Variants in HROB observed in about 807,000 individuals in gnomAD.
HROB encodes homologous recombination factor with OB-fold, also known as homologous recombination OB-fold protein.
A neutral mutation model predicts 61.0 loss-of-function variants in HROB; 44 were observed. That is an observed-to-expected ratio of 0.72 (90% CI 0.57 to 0.93). The LOEUF (loss-of-function observed/expected upper bound fraction) is 0.93, where lower values mean the gene tolerates loss of function less well. HROB is among the 40% of genes least tolerant of loss of function. HROB has a pLI of 0.00. For missense variants in HROB, 716 were observed against 796.2 expected, an observed-to-expected ratio of 0.90 and a Z score of 1.21; for synonymous variants, 301 against 310.4, an observed-to-expected ratio of 0.97 and a Z score of 0.32.
At chr17:44,158,416 G>C (rs748054143) in intron 9 of HROB, among the ~76,000 whole-genome samples, 2 of 152,178 alleles carry the variant, frequency 1.3e-5, no homozygotes, top group African/African-American at 4.8e-5. Context: ...TGGGCCAGCT[G>C]CTTCCTCAGA....
In HROB at chr17:44,148,022, C is replaced by T. The variant is rs373854314; in HGVS notation, c.219C>T (p.Gly73=). 4.3e-6 allele frequency: 7 copies of T among 1,613,894 alleles called. No individual in the cohort carries two copies. The South Asian group carries it at 4.4e-5, about 10-fold the overall frequency. ...LHPTAPSEAL[G]LPDLDLCLPA... is the part of the protein sequence containing the mutation. ...CCACTGCTCCCTCAGAGGCTTTGGG[C>T]CTGCCAGACTTGGACCTCTGCCTCC... Residue 73 remains glycine (G), a synonymous_variant, in exon 3 of 10, where the codon GGC becomes GGT. Transcript: ENST00000585683.
chr17:44,142,097 C>T lies in HROB; in HGVS notation c.-46C>T, dbSNP rs1167226261. 2.6e-6 allele frequency: 4 copies of T among 1,530,680 alleles called. No individual in the cohort carries two copies. The highest frequency in any genetic ancestry group is 2.4e-5 in the South Asian group (2 of 83,868). 94.8% of individuals were successfully genotyped at this position (1,530,680 alleles called of 1,614,324 possible). ...CAAGGCCCCGGCGACTCCCCGGACT[C>T]GGGGTGCCGGGCCAACCTCCCCGCC... On this transcript the variant is annotated 5_prime_UTR_variant, in exon 1 of 10. Coordinates refer to ENST00000585683, the MANE Select transcript of HROB (RefSeq NM_001171251.3).
intron 7 of HROB, 127 bp downstream of exon 7, chr17:44,155,065 G>C: frequency 1.5e-6 from 2 of 1,344,530 alleles, no homozygotes; most frequent in Non-Finnish European, 2.1e-6. Flanking sequence ...CTAGGCCCTG[G>C]CTTGAGCTCA....
chr17:44,161,668 A>T (rs138212379), intron 9 of HROB, among the ~76,000 whole-genome samples: 43 of 152,252 alleles, frequency 2.8e-4, no homozygotes, highest in South Asian at 6.2e-4. Flanking sequence ...GCCTTTTGTC[A>T]TGTACGGGTA....
intron 9 of HROB, among the ~76,000 whole-genome samples, chr17:44,158,874 C>T (rs571627756): frequency 3.9e-5 from 6 of 152,232 alleles, no homozygotes; most frequent in African/African-American, 1.4e-4. Flanking sequence ...GTCTCGATCT[C>T]CTGACCTCGC....
rs1239989308 is a variant in HROB at position 44,148,181 on chromosome 17, A to G, written c.378A>G (p.Thr126=). The part of the protein sequence containing the change: ...RVTVTEVLRE[T]ARPQSSALHP... ...CAGTGACAGAAGTGCTCAGAGAGAC[A>G]GCAAGACCTCAGTCCTCAGCCTTAC... The change falls in exon 3 of 10, where the codon ACA becomes ACG. Residue 126 remains threonine (T), a synonymous_variant. Coordinates refer to ENST00000585683, the MANE Select transcript of HROB (RefSeq NM_001171251.3). The G allele has an allele frequency of 3.7e-6, 6 of 1,614,122 alleles. No homozygotes were observed. The highest frequency in any genetic ancestry group is 5.1e-6 in the Non-Finnish European group (6 of 1,180,042).
intron 1 of HROB, among the ~76,000 whole-genome samples, chr17:44,143,351 T>A (rs2053514319): frequency 6.6e-6 from 1 of 151,848 alleles, no homozygotes; most frequent in African/African-American, 2.4e-5. Flanking sequence ...TCTATAAAAA[T>A]TTAAAAATTA....
chr17:44,151,747 C>A (rs545130324), intron 4 of HROB, among the ~76,000 whole-genome samples: 2 of 152,202 alleles, frequency 1.3e-5, no homozygotes, highest in African/African-American at 4.8e-5. Flanking sequence ...GAGTCTGTTA[C>A]AAAAAATAAG....
rs759179262 is a variant in HROB, at chr17:44,148,711, C to T, written c.908C>T (p.Ser303Phe). The part of the protein sequence containing the change: ...QNRFPCQPFQ[S>F]PSSWLSGKAH... ...CGTTTCCCTTGTCAGCCATTCCAGT[C>T]TCCAAGTTCCTGGTTAAGTGGCAAA... Residue 303 changes from serine (S) to phenylalanine (F), a missense_variant, in exon 3 of 10, where the codon TCT (serine) becomes TTT (phenylalanine). Transcript: ENST00000585683. The T allele has an allele frequency of 1.0e-4, 168 of 1,614,196 alleles. 1 individual carries two copies. The Admixed American group carries it at 2.6e-3, about 25-fold the overall frequency.
rs777978477 is a variant in HROB at position 44,152,753 on chromosome 17, C to T, written c.1425C>T (p.Tyr475=). Residue 475 remains tyrosine (Y), a synonymous_variant, in exon 5 of 10, where the codon TAC becomes TAT. Coordinates refer to ENST00000585683, the MANE Select transcript of HROB (RefSeq NM_001171251.3). ...ACCCTAGCTGCTTCCTCTGTACCTACAGCATTGTCATGGTGCTGCGCAAGG... is the reference window on the plus strand; with the variant it reads ...ACCCTAGCTGCTTCCTCTGTACCTATAGCATTGTCATGGTGCTGCGCAAGG... ...ERDPSCFLCT[Y]SIVMVLRKAA... 1 of 1,614,060 alleles carries T rather than the reference C, an allele frequency of 6.2e-7. No individual in the cohort carries two copies. The highest frequency in any genetic ancestry group is 8.5e-7 in the Non-Finnish European group (1 of 1,179,972).
chr17:44,158,344 C>T (rs1341523341), intron 9 of HROB, among the ~76,000 whole-genome samples: 1 of 152,162 alleles, frequency 6.6e-6, no homozygotes. Context: ...TCAAGACGTC[C>T]ACTGGTTTTT....
intron 1 of HROB, among the ~76,000 whole-genome samples, chr17:44,142,379 C>T (rs1348034495): frequency 6.6e-6 from 1 of 152,100 alleles, no homozygotes; most frequent in Non-Finnish European, 1.5e-5. Flanking sequence ...GCCTTCCTAC[C>T]CTCCTGGGAA....
chr17:44,148,228 G>A lies in HROB; in HGVS notation c.425G>A (p.Ser142Asn), dbSNP rs377372267. The A allele has an allele frequency of 1.0e-4, 169 of 1,614,184 alleles. 1 individual carries two copies. In the South Asian group the frequency reaches 1.7e-3, roughly 16 times the overall value. The change falls in exon 3 of 10, where the codon AGC becomes AAC. Residue 142 changes from serine to asparagine, a missense_variant. By Grantham distance (46) the Ser-to-Asn change is conservative. Transcript: ENST00000585683. ...SALHPLLTFE[S>N]QQQQVGGFEG... is the part of the protein sequence containing the mutation. The stretch of plus-strand genomic sequence containing the variant: ...TTACACCCCCTACTCACCTTTGAGA[G>A]CCAACAGCAGCAAGTTGGTGGCTTT...
In HROB at chr17:44,155,490, C is replaced by T. The variant is rs546752780; in HGVS notation, c.1770+79C>T. On this transcript the variant is annotated intron_variant, in intron 8 of 9. Coordinates refer to ENST00000585683, the MANE Select transcript of HROB (RefSeq NM_001171251.3). Reference sequence around the variant, plus strand: ...TCTTCTGATTTCTTCCTCTCTTCCACCCTGGGGAGCAGAGGTCTGAAGGGG... The same window carrying T: ...TCTTCTGATTTCTTCCTCTCTTCCATCCTGGGGAGCAGAGGTCTGAAGGGG... 4.3e-5 allele frequency: 67 copies of T among 1,572,378 alleles called. No individual in the cohort carries two copies. The South Asian group carries it at 7.4e-4, about 17-fold the overall frequency.
intron 8 of HROB, among the ~76,000 whole-genome samples, chr17:44,157,614 C>T (rs377315489): frequency 5.9e-5 from 9 of 152,032 alleles, no homozygotes; most frequent in East Asian, 1.9e-4. Flanking sequence ...GTGGTTTCAC[C>T]GTGTTGGCCA....
chr17:44,152,523 G>C, intron 4 of HROB, 114 bp from the exon 5 acceptor site: 1 of 1,291,496 alleles, frequency 7.7e-7, no homozygotes, highest in Non-Finnish European at 1.1e-6. Context: ...TTGTACTACA[G>C]TTTTTCCGAG....
At chr17:44,149,063 G>A in intron 3 of HROB, 36 bp downstream of exon 3, 3 of 1,575,610 alleles carry the variant, frequency 1.9e-6, no homozygotes, top group South Asian at 1.1e-5. Flanking sequence ...TGGTGGGCAA[G>A]GGAGAGAAGC....
At chr17:44,157,962 G>T in intron 9 of HROB, 21 bp downstream of exon 9, 1 of 1,573,982 alleles carries the variant, frequency 6.4e-7, no homozygotes, top group South Asian at 1.1e-5. Flanking sequence ...CAGCCCATCT[G>T]GGAGCAAGAG....
At chr17:44,155,153 G>A (rs2053934492) in intron 7 of HROB, 133 bp from the exon 8 acceptor site, 5 of 1,411,264 alleles carry the variant, frequency 3.5e-6, no homozygotes, top group Middle Eastern at 1.9e-4. Flanking sequence ...AGGGGAGATT[G>A]TGGCAAATGG....
Sources: allele counts gnomAD v4.1 joint callset (sites outside exome capture counted in the v4.1 genomes callset), GRCh38; gene constraint gnomAD v4.1.1; transcripts MANE v1.5; gene names NCBI Gene and HGNC (gene_info 2026-07-23, HGNC 2026-07-21).